OR1B1: variants seen among roughly 807,000 people sequenced by gnomAD.
OR1B1 encodes olfactory receptor 1B1.
For synonymous variants in OR1B1, 168 were observed against 156.2 expected (o/e 1.08, Z -0.57); for missense variants, 414 against 402.1 (o/e 1.03, Z -0.25).
chr9:122,654,866 A>G, the OR1B1 span, among the ~76,000 whole-genome samples: 1 of 152,228 alleles, frequency 6.6e-6, no homozygotes, highest in East Asian at 1.9e-4. Context: ...TTGTAAGGCT[A>G]AATAATATAG....
the OR1B1 span, among the ~76,000 whole-genome samples, chr9:122,639,140 G>A: frequency 9.7e-3 from 1,475 of 152,012 alleles, 26 homozygotes; most frequent in African/African-American, 0.034. Context: ...TCACCTCCCC[G>A]TTACCTCCTG....
chr9:122,635,561 A>C, the OR1B1 span, among the ~76,000 whole-genome samples: 1 of 152,242 alleles, frequency 6.6e-6, no homozygotes, highest in African/African-American at 2.4e-5. Context: ...ATGTGAGATA[A>C]TGGATATGTT....
At chr9:122,635,953 A>G in the OR1B1 span, among the ~76,000 whole-genome samples, 5 of 152,258 alleles carry the variant, frequency 3.3e-5, no homozygotes, top group Non-Finnish European at 7.3e-5. Flanking sequence ...CAAAGTGCTG[A>G]GAGAAAATAA....
At chr9:122,636,911 G>A in the OR1B1 span, among the ~76,000 whole-genome samples, 1 of 152,214 alleles carries the variant, frequency 6.6e-6, no homozygotes, top group Non-Finnish European at 1.5e-5. Context: ...AGGTAGAGAA[G>A]ATTAAAGGAG....
chr9:122,649,925 T>C, the OR1B1 span, among the ~76,000 whole-genome samples: 1 of 152,166 alleles, frequency 6.6e-6, no homozygotes, highest in South Asian at 2.1e-4. Flanking sequence ...TTGTAAATCA[T>C]TCTACTAAAG....
chr9:122,635,786 A>G, the OR1B1 span, among the ~76,000 whole-genome samples: 8 of 152,202 alleles, frequency 5.3e-5, no homozygotes, highest in Non-Finnish European at 1.2e-4. Flanking sequence ...CTCCCAAACA[A>G]GATAAATTTT....
At chr9:122,640,013 C>T in the OR1B1 span, among the ~76,000 whole-genome samples, 1 of 151,982 alleles carries the variant, frequency 6.6e-6, no homozygotes, top group Non-Finnish European at 1.5e-5. Context: ...GGTACCATTT[C>T]TGATTTTACA....
upstream of OR1B1, among the ~76,000 whole-genome samples, chr9:122,632,296 C>CA (rs377647204): frequency 9.9e-3 from 1,422 of 143,540 alleles, 20 homozygotes; most frequent in African/African-American, 0.03. Context: ...AAGAAGTTAT[C>CA]AAAAAAAAAA....
the OR1B1 span, among the ~76,000 whole-genome samples, chr9:122,653,288 C>A: frequency 6.6e-6 from 1 of 152,162 alleles, no homozygotes; most frequent in African/African-American, 2.4e-5. Context: ...TGAGTTAGTA[C>A]TATGAAAGGA....
chr9:122,629,072 A>C, exon 1 of OR1B1: 1 of 1,613,494 alleles, frequency 6.2e-7, no homozygotes, highest in Non-Finnish European at 8.5e-7. Flanking sequence ...GGTGTGCAGT[A>C]TGGACACCAC....
At chr9:122,630,161 AAT>A (rs1213914931), upstream of OR1B1, among the ~76,000 whole-genome samples, 1 of 152,194 alleles carries the variant, frequency 6.6e-6, no homozygotes, top group African/African-American at 2.4e-5. Context: ...AAGCCACCCA[AAT>A]TGGAAAAGAG....
chr9:122,629,333 A>G, exon 1 of OR1B1: 1 of 1,614,110 alleles, frequency 6.2e-7, no homozygotes, highest in Non-Finnish European at 8.5e-7. Context: ...TATCACAGAG[A>G]GGCCACGAAG....
chr9:122,634,714 C>T, the OR1B1 span, among the ~76,000 whole-genome samples: 1 of 152,090 alleles, frequency 6.6e-6, no homozygotes, highest in Non-Finnish European at 1.5e-5. Flanking sequence ...CCAAACCATA[C>T]CAGAACCTGA....
At chr9:122,655,121 T>C in the OR1B1 span, among the ~76,000 whole-genome samples, 1 of 152,164 alleles carries the variant, frequency 6.6e-6, no homozygotes, top group Non-Finnish European at 1.5e-5. Flanking sequence ...GGTCCTTCAC[T>C]GCACCATTCA....
the OR1B1 span, among the ~76,000 whole-genome samples, chr9:122,651,914 A>G: frequency 0.31 from 47,456 of 151,964 alleles, 8,793 homozygotes; most frequent in East Asian, 0.63. Context: ...AGCCTCCTGA[A>G]TAGCTGGGAC....
chr9:122,629,161 A>G (rs1830176023), exon 1 of OR1B1: 1 of 1,614,016 alleles, frequency 6.2e-7, no homozygotes, highest in Non-Finnish European at 8.5e-7. Flanking sequence ...AGATGGCCAC[A>G]TAGCGATCCA....
At chr9:122,648,847 T>C in the OR1B1 span, among the ~76,000 whole-genome samples, 2 of 152,166 alleles carry the variant, frequency 1.3e-5, no homozygotes, top group Non-Finnish European at 2.9e-5. Flanking sequence ...ATACATTCAA[T>C]GCTATCCCCA....
At chr9:122,646,040 C>A in the OR1B1 span, among the ~76,000 whole-genome samples, 3 of 151,836 alleles carry the variant, frequency 2.0e-5, no homozygotes, top group African/African-American at 7.2e-5. Flanking sequence ...AGTTTAAAAG[C>A]GAGGGGAAAA....
the OR1B1 span, among the ~76,000 whole-genome samples, chr9:122,655,107 T>C: frequency 6.6e-6 from 1 of 152,116 alleles, no homozygotes; most frequent in Admixed American, 6.6e-5. Flanking sequence ...TCTCCATCAT[T>C]CCAGGTCCTT....
Sources: allele counts gnomAD v4.1 joint callset (sites outside exome capture counted in the v4.1 genomes callset), GRCh38; gene constraint gnomAD v4.1.1; transcripts MANE v1.5; gene names NCBI Gene and HGNC (gene_info 2026-07-23, HGNC 2026-07-21).